The following FBXW7 variants were observed in gnomAD, a reference collection of about 807,000 sequenced individuals.
FBXW7 encodes the protein F-box and WD repeat domain containing 7.
Under a neutral mutation model 86.3 loss-of-function variants are expected in FBXW7, and 11 were observed. The observed-to-expected ratio is 0.13, with a 90% CI of 0.08 to 0.21. FBXW7 has a LOEUF of 0.21. Among genes scored for constraint, FBXW7 ranks in the 10% least tolerant of loss-of-function variants. The pLI, the probability that FBXW7 is intolerant of heterozygous loss-of-function variation, is 1.00. For missense variants in FBXW7, 488 were observed against 847.4 expected, an observed-to-expected ratio of 0.58 and a Z score of 5.27; for synonymous variants, 313 against 297.9, an observed-to-expected ratio of 1.05 and a Z score of -0.52.
chr4:152,452,360 T>C (rs1335108890), intron 2 of FBXW7, among the ~76,000 whole-genome samples: 1 of 152,218 alleles, frequency 6.6e-6, no homozygotes, highest in Admixed American at 6.5e-5. Flanking sequence ...TTCCTTAAAA[T>C]ACAGCGTTGG....
chr4:152,527,860 TTA>T (rs147593266), intron 2 of FBXW7, among the ~76,000 whole-genome samples: 3 of 114,796 alleles, frequency 2.6e-5, no homozygotes, highest in South Asian at 2.7e-4. Context: ...AATTTAAAAA[TTA>T]TATACACACA....
At chr4:152,461,018 C>T (rs970833260) in intron 2 of FBXW7, among the ~76,000 whole-genome samples, 3 of 152,184 alleles carry the variant, frequency 2.0e-5, no homozygotes, top group East Asian at 1.9e-4. Context: ...CAGTGGCTCA[C>T]GCCTGTAATC....
intron 4 of FBXW7, among the ~76,000 whole-genome samples, chr4:152,361,282 A>G (rs1732914187): frequency 6.6e-6 from 1 of 152,134 alleles, no homozygotes; most frequent in Non-Finnish European, 1.5e-5. Context: ...ACTACATTTT[A>G]AAAAGAGGAT....
chr4:152,498,547 C>T (rs1456670538), intron 2 of FBXW7, among the ~76,000 whole-genome samples: 2 of 152,150 alleles, frequency 1.3e-5, no homozygotes, highest in Non-Finnish European at 2.9e-5. Context: ...AGGTGCAAGA[C>T]ATTCTGTTGG....
intron 4 of FBXW7, among the ~76,000 whole-genome samples, chr4:152,377,488 C>A (rs1734654649): frequency 6.6e-6 from 1 of 151,720 alleles, no homozygotes; most frequent in South Asian, 2.1e-4. Context: ...CACGGTGGCT[C>A]TGCCTGTAAT....
At chr4:152,534,507 A>G (rs143282568) in intron 2 of FBXW7, among the ~76,000 whole-genome samples, 2 of 152,216 alleles carry the variant, frequency 1.3e-5, no homozygotes, top group Non-Finnish European at 2.9e-5. Flanking sequence ...TAAAAAAGGA[A>G]TTTTACTTTC....
intron 2 of FBXW7, among the ~76,000 whole-genome samples, chr4:152,441,718 A>C (rs75808195): frequency 0.013 from 1,973 of 152,252 alleles, 33 homozygotes; most frequent in African/African-American, 0.043. Flanking sequence ...ATTATATCTA[A>C]AAGTTAACCC....
intron 12 of FBXW7, chr4:152,324,654 TG>T (rs1027780280): frequency 1.8e-5 from 7 of 396,804 alleles, no homozygotes; most frequent in African/African-American, 8.2e-5. Flanking sequence ...CAACTTAAAA[TG>T]AAAACAAAGC....
At chr4:152,383,222 G>C (rs934880123) in intron 4 of FBXW7, among the ~76,000 whole-genome samples, 2 of 152,096 alleles carry the variant, frequency 1.3e-5, no homozygotes, top group African/African-American at 4.8e-5. Flanking sequence ...TAAAATGGGA[G>C]AGTAACTAGC....
At chr4:152,418,850 T>C (rs1365493910) in intron 2 of FBXW7, among the ~76,000 whole-genome samples, 1 of 152,170 alleles carries the variant, frequency 6.6e-6, no homozygotes, top group East Asian at 1.9e-4. Flanking sequence ...GCTTATCTCA[T>C]GCTTGACCTG....
intron 4 of FBXW7, among the ~76,000 whole-genome samples, chr4:152,373,266 T>C (rs1417474526): frequency 6.6e-6 from 1 of 152,064 alleles, no homozygotes; most frequent in Non-Finnish European, 1.5e-5. Context: ...AAGGTGATTT[T>C]AAGGATTAAA....
chr4:152,500,428 T>C (rs776261916), intron 2 of FBXW7, among the ~76,000 whole-genome samples: 8 of 150,838 alleles, frequency 5.3e-5, no homozygotes, highest in Non-Finnish European at 8.8e-5. Context: ...AGCATGTTTC[T>C]TTCTCTCTCA....
rs1320265457 is a variant in FBXW7 at position 152,322,455 on chromosome 4, C to T, written c.*426G>A. 1.7e-5 allele frequency: 4 copies of T among 237,202 alleles called. No individual in the cohort carries two copies. The highest frequency in any genetic ancestry group is 8.8e-5 in the African/African-American group (4 of 45,258). The allele number at this position is 237,202 out of a possible 1,614,324, so 14.7% of individuals were successfully genotyped here. ...TCTCTAATTAGAAAGTCAACCAGTA[C>T]TTGTTTTGATATTATTGCAGTTCCT... On this transcript the variant is annotated 3_prime_UTR_variant, in exon 14 of 14. Transcript: ENST00000281708.
intron 2 of FBXW7, among the ~76,000 whole-genome samples, chr4:152,450,840 TAAAGA>T (rs1002039566): frequency 2.1e-4 from 32 of 152,340 alleles, no homozygotes; most frequent in Middle Eastern, 3.4e-3. Flanking sequence ...CTATTGTTTC[TAAAGA>T]AAACTATGAA....
At chr4:152,531,982 T>A (rs567249527) in intron 2 of FBXW7, among the ~76,000 whole-genome samples, 3 of 152,314 alleles carry the variant, frequency 2.0e-5, no homozygotes, top group Admixed American at 6.5e-5. Flanking sequence ...TCAACTCTTA[T>A]CCACTTCTAA....
chr4:152,401,189 G>A (rs867605421), intron 4 of FBXW7, among the ~76,000 whole-genome samples: 1 of 152,130 alleles, frequency 6.6e-6, no homozygotes, highest in African/African-American at 2.4e-5. Flanking sequence ...ACACTCCTTG[G>A]CATTTACGCA....
At chr4:152,354,843 T>C (rs115685972) in intron 4 of FBXW7, among the ~76,000 whole-genome samples, 4 of 152,222 alleles carry the variant, frequency 2.6e-5, no homozygotes, top group African/African-American at 7.2e-5. Flanking sequence ...CAAAATGATA[T>C]ACAAAAAATT....
chr4:152,493,497 T>C (rs1746049847), intron 2 of FBXW7, among the ~76,000 whole-genome samples: 1 of 152,164 alleles, frequency 6.6e-6, no homozygotes, highest in Non-Finnish European at 1.5e-5. Flanking sequence ...TTAAACCTGC[T>C]AGGAGATTAT....
chr4:152,398,995 G>A (rs1348018419), intron 4 of FBXW7, among the ~76,000 whole-genome samples: 1 of 152,090 alleles, frequency 6.6e-6, no homozygotes, highest in African/African-American at 2.4e-5. Flanking sequence ...TACATTTACT[G>A]TTTATATATT....
Sources: gnomAD v4.1 joint callset for allele counts (sites outside exome capture counted in the v4.1 genomes callset) on GRCh38, gnomAD v4.1.1 for gene constraint, MANE v1.5 for transcripts, NCBI Gene and HGNC (gene_info 2026-07-23, HGNC 2026-07-21) for gene names.